The following NRG4 variants were observed in gnomAD, a reference collection of about 807,000 sequenced individuals.
The protein encoded by NRG4 is neuregulin 4.
A neutral mutation model predicts 15.0 loss-of-function variants in NRG4; 10 were observed. The observed-to-expected ratio is 0.67, with a 90% CI of 0.41 to 1.13. The LOEUF (loss-of-function observed/expected upper bound fraction) is 1.13. NRG4 is among the 50% of genes most tolerant of loss of function. NRG4 has a pLI of 0.00. For synonymous variants in NRG4, 41 were observed against 50.1 expected (o/e 0.82, Z 0.77); for missense variants, 139 against 140.2 (o/e 0.99, Z 0.04).
intron 5 of NRG4, among the ~76,000 whole-genome samples, chr15:76,027,237 C>T (rs1259281457): frequency 1.3e-5 from 2 of 152,034 alleles, no homozygotes; most frequent in Non-Finnish European, 2.9e-5. Flanking sequence ...TGGAAAAAGA[C>T]ATTCCATAAA....
At chr15:76,037,988 A>T (rs1384440616) in intron 4 of NRG4, among the ~76,000 whole-genome samples, 3 of 152,100 alleles carry the variant, frequency 2.0e-5, no homozygotes, top group Non-Finnish European at 2.9e-5. Context: ...CCCAGATGAC[A>T]TTTCTAGACA....
chr15:75,958,044 G>A (rs1292908424), intron 4 of NRG4, among the ~76,000 whole-genome samples: 3 of 151,522 alleles, frequency 2.0e-5, no homozygotes, highest in South Asian at 4.2e-4. Flanking sequence ...ACAGAGTCTC[G>A]CTCTGTTGCC....
chr15:75,966,023 G>C (rs899268179), intron 3 of NRG4, among the ~76,000 whole-genome samples: 1 of 152,224 alleles, frequency 6.6e-6, no homozygotes, highest in Admixed American at 6.5e-5. Flanking sequence ...ATTGAAGATG[G>C]ATGCTGGAAC....
At chr15:75,976,707 A>C (rs918372577) in intron 3 of NRG4, among the ~76,000 whole-genome samples, 1 of 152,074 alleles carries the variant, frequency 6.6e-6, no homozygotes, top group African/African-American at 2.4e-5. Context: ...CGGAAGCTTC[A>C]TCCTAGAGGG....
At chr15:75,957,920 G>C (rs1254832695) in intron 4 of NRG4, among the ~76,000 whole-genome samples, 1 of 152,078 alleles carries the variant, frequency 6.6e-6, no homozygotes, top group Non-Finnish European at 1.5e-5. Context: ...GATATGTACT[G>C]AATTTTTAAA....
intron 5 of NRG4, among the ~76,000 whole-genome samples, chr15:75,953,739 C>T (rs1190920800): frequency 6.6e-6 from 1 of 152,176 alleles, no homozygotes; most frequent in East Asian, 1.9e-4. Context: ...GTTACTCAGG[C>T]TGGAGTGCAG....
intron 4 of NRG4, among the ~76,000 whole-genome samples, chr15:76,045,802 TG>T (rs1405691492): frequency 6.7e-6 from 1 of 149,956 alleles, no homozygotes; most frequent in East Asian, 1.9e-4. Flanking sequence ...GGGGGCTGGT[TG>T]GGGGAAGTGG....
rs376329611 is a variant in NRG4, at chr15:76,050,973, TTTTATTTA to T, written c.-105+1086_-105+1093del. On this transcript the variant is annotated intron_variant, in intron 4 of 8. Coordinates refer to the NRG4 transcript ENST00000563910. ...GGTGTGTGCCACCATGCCTGCCTAT[TTTTATTTA>T]TTTATTTATTTATTTATTTATTTAT... 6.9e-4 allele frequency among the ~76,000 whole-genome samples: 102 copies of T among 147,686 alleles called. 2 individuals are homozygous for T. Among genetic ancestry groups the T allele is most frequent in the Middle Eastern group, 3.4e-3 (1 of 294 alleles).
chr15:76,038,435 A>G (rs527544212), intron 4 of NRG4, among the ~76,000 whole-genome samples: 2 of 152,210 alleles, frequency 1.3e-5, no homozygotes, highest in Non-Finnish European at 2.9e-5. Flanking sequence ...CTAACTGAAG[A>G]GCCCTCAGGC....
intron 5 of NRG4, among the ~76,000 whole-genome samples, chr15:75,955,004 G>A (rs111878525): frequency 1.2e-3 from 189 of 152,114 alleles, no homozygotes; most frequent in African/African-American, 4.3e-3. Context: ...CCCGTGCCCC[G>A]TGAATAATGA....
In NRG4 at chr15:75,977,508, A is replaced by C. The variant is rs1244434005; in HGVS notation, c.105-15534T>G. 6.6e-6 allele frequency among the ~76,000 whole-genome samples: 1 copy of C among 152,216 alleles called. No individual in the cohort carries two copies. The highest frequency in any genetic ancestry group is 1.5e-5 in the Non-Finnish European group (1 of 68,028). ...GCAAAGACCATGGGAAAAGCATAGC[A>C]TCTGGGCCAGAATGCACCATTCCTC... is the stretch of plus-strand genomic sequence containing the variant. On this transcript the variant is annotated intron_variant, in intron 3 of 5. Coordinates refer to ENST00000394907, the MANE Select transcript of NRG4 (RefSeq NM_138573.4). The surrounding 1 kb of genome is among the most constrained non-coding windows in gnomAD (Gnocchi z 4.9).
At chr15:76,031,189 A>G (rs1236413630) in intron 5 of NRG4, among the ~76,000 whole-genome samples, 1 of 152,150 alleles carries the variant, frequency 6.6e-6, no homozygotes, top group African/African-American at 2.4e-5. Context: ...GGGAAAAAAA[A>G]TCTCCACAAA....
chr15:75,943,659 G>GA lies in NRG4; in HGVS notation c.332-6dup. ...TTCTTCAGTGTTGTTCATGACCTGT[G>GA]AAAAATAAGTAAGAATTAAGATGCT... On this transcript the variant is annotated splice_polypyrimidine_tract_variant and splice_region_variant and intron_variant, in intron 5 of 5. Transcript: ENST00000394907. 6.4e-7 allele frequency: 1 copy of GA among 1,555,952 alleles called. No individual in the cohort carries two copies. The highest frequency in any genetic ancestry group is 1.4e-5 in the African/African-American group (1 of 73,772).
intron 3 of NRG4, among the ~76,000 whole-genome samples, chr15:76,002,796 T>C (rs1005858672): frequency 6.6e-6 from 1 of 152,128 alleles, no homozygotes; most frequent in Admixed American, 6.5e-5. Context: ...TCTAAACTTA[T>C]GTACATGTAA....
intron 3 of NRG4, among the ~76,000 whole-genome samples, chr15:75,973,491 T>A (rs1170251186): frequency 6.6e-6 from 1 of 152,246 alleles, no homozygotes; most frequent in South Asian, 2.1e-4. Flanking sequence ...CAGTATGATA[T>A]TGGCTGTGGG....
chr15:76,005,634 G>C (rs2034574654), intron 3 of NRG4: 1 of 268,888 alleles, frequency 3.7e-6, no homozygotes, highest in Non-Finnish European at 7.3e-6. Flanking sequence ...GTTACAGTGA[G>C]CCGAGATCGC....
At chr15:75,997,118 AT>A (rs1234780598) in intron 3 of NRG4, among the ~76,000 whole-genome samples, 4 of 152,288 alleles carry the variant, frequency 2.6e-5, no homozygotes, top group South Asian at 2.1e-4. Context: ...AGAGAAAAAA[AT>A]ATGTAAACTA....
chr15:76,048,153 A>C (rs1395720950), intron 4 of NRG4, among the ~76,000 whole-genome samples: 11 of 127,846 alleles, frequency 8.6e-5, no homozygotes, highest in East Asian at 2.1e-4. Flanking sequence ...ACCCTGTTTC[A>C]AAAAAAAAAA....
intron 4 of NRG4, among the ~76,000 whole-genome samples, chr15:76,049,356 C>T (rs1270821802): frequency 1.3e-5 from 2 of 150,606 alleles, no homozygotes; most frequent in African/African-American, 5.0e-5. Flanking sequence ...TACTCAAATG[C>T]TTCTTTCATT....
Sources: allele counts gnomAD v4.1 joint callset (sites outside exome capture counted in the v4.1 genomes callset), GRCh38; gene constraint gnomAD v4.1.1; non-coding constraint Gnocchi (gnomAD v3.1); transcripts MANE v1.5; gene names NCBI Gene and HGNC (gene_info 2026-07-23, HGNC 2026-07-21).